RASL12: variants seen among roughly 807,000 people sequenced by gnomAD.
RASL12 encodes RAS like family 12, also known as ras-like protein family member 12.
In RASL12, 16 loss-of-function variants were observed where a neutral mutation model predicts 22.9. The ratio of observed to expected loss-of-function variants is 0.70; its 90% CI spans 0.47 to 1.06. The LOEUF (loss-of-function observed/expected upper bound fraction) is 1.06. RASL12 is among the 50% of genes least tolerant of loss of function. The pLI is 0.00. For synonymous variants in RASL12, 159 were observed against 152.2 expected, an observed-to-expected ratio of 1.04 and a Z score of -0.33; for missense variants, 306 against 353.1, an observed-to-expected ratio of 0.87 and a Z score of 1.07.
At chr15:65,051,540 T>G, downstream of RASL12, 2 of 1,613,714 alleles carry the variant, frequency 1.2e-6, no homozygotes, top group Non-Finnish European at 1.7e-6. Context: ...ATTCCATCCT[T>G]GCCCTGGCAG....
chr15:65,069,085 T>TC (rs1266445321), upstream of RASL12, among the ~76,000 whole-genome samples: 3 of 152,116 alleles, frequency 2.0e-5, no homozygotes, highest in Non-Finnish European at 4.4e-5. Context: ...GATGGTTAAC[T>TC]CATCTACCCA....
chr15:65,076,033 C>A (rs148658502), intron 1 of RASL12, among the ~76,000 whole-genome samples: 1 of 152,228 alleles, frequency 6.6e-6, no homozygotes, highest in Non-Finnish European at 1.5e-5. Flanking sequence ...CTGATGGGGA[C>A]GTGGAGAACT....
rs143596295 is a variant in RASL12, at chr15:65,066,384, G to A, written c.104-1111C>T. Among the ~76,000 whole-genome samples, 444 of 152,166 alleles carry A rather than the reference G, an allele frequency of 2.9e-3. 4 individuals carry two copies. Among genetic ancestry groups the A allele is most frequent in the African/African-American group, 0.01 (426 of 41,506 alleles). ...AATTGAAAAATTAACCAGGCATGGT[G>A]GTATGCCTGTAGTCCTAGCTACTCA... is the stretch of plus-strand genomic sequence containing the variant. On this transcript the variant is annotated intron_variant, in intron 1 of 4. Transcript: ENST00000220062.
downstream of RASL12, chr15:65,051,508 T>G (rs764207633): frequency 1.9e-6 from 3 of 1,613,204 alleles, no homozygotes; most frequent in Non-Finnish European, 2.5e-6. Context: ...TGTGTGTCCT[T>G]CCCCAGCATC....
At chr15:65,056,801 G>A (rs1290839039) in intron 4 of RASL12, among the ~76,000 whole-genome samples, 4 of 152,102 alleles carry the variant, frequency 2.6e-5, no homozygotes, top group Non-Finnish European at 5.9e-5. Flanking sequence ...ACTAAACTTG[G>A]GACTTGATCG....
In RASL12 at chr15:65,053,655, C is replaced by T. The variant is rs1035248714; in HGVS notation, c.*1244G>A. On this transcript the variant is annotated 3_prime_UTR_variant, in exon 5 of 5. Coordinates refer to ENST00000220062, the MANE Select transcript of RASL12 (RefSeq NM_016563.4). ...GAGGGGAAGGAGCAGGCTTCCAGGC[C>T]CAGAATCCCCTTCCCAATCCTTCCA... The T allele has an allele frequency of 2.0e-6, 2 of 989,148 alleles. No homozygotes were observed. Among genetic ancestry groups the T allele is most frequent in the Non-Finnish European group, 2.4e-6 (2 of 832,448 alleles). The allele number at this position is 989,148 out of a possible 1,614,324, so 61.3% of individuals were successfully genotyped here. A position where few individuals can be genotyped will look rare whatever the true frequency, so the allele number is the denominator to read the frequency against.
chr15:65,053,011 G>A (rs2086675625), downstream of RASL12: 1 of 1,613,656 alleles, frequency 6.2e-7, no homozygotes, highest in Non-Finnish European at 8.5e-7. Flanking sequence ...CAGAAGTCCT[G>A]CATTTGGATG....
At chr15:65,074,445 G>A (rs2086951282) in intron 1 of RASL12, among the ~76,000 whole-genome samples, 1 of 151,754 alleles carries the variant, frequency 6.6e-6, no homozygotes, top group Non-Finnish European at 1.5e-5. Context: ...CTAGGCTGGA[G>A]TGCAATGGCA....
At position 65,054,671 on chromosome 15, in the gene RASL12, C is replaced by A; in HGVS notation, c.*228G>T. On this transcript the variant is annotated 3_prime_UTR_variant, in exon 5 of 5. Transcript: ENST00000220062. Reference sequence around the variant, plus strand: ...TTGTCACAGTGGCTGTTTCCCTCTACGGCCACAGACGCGGTGGTTACCATG... The same window carrying A: ...TTGTCACAGTGGCTGTTTCCCTCTAAGGCCACAGACGCGGTGGTTACCATG... 7.2e-7 allele frequency: 1 copy of A among 1,382,358 alleles called. No homozygotes were observed. Among genetic ancestry groups the A allele is most frequent in the Admixed American group, 3.0e-5 (1 of 33,372 alleles). 85.6% of individuals were successfully genotyped at this position (1,382,358 alleles called of 1,614,324 possible).
In RASL12 at chr15:65,054,702, C is replaced by T; in HGVS notation, c.*197G>A. On this transcript the variant is annotated 3_prime_UTR_variant, in exon 5 of 5. Transcript: ENST00000220062. Reference sequence around the variant, plus strand: ...CAGACGCGGTGGTTACCATGAAGACCAAGGCCTGGAGGGAACAGAAGCAGC... The same window carrying T: ...CAGACGCGGTGGTTACCATGAAGACTAAGGCCTGGAGGGAACAGAAGCAGC... The T allele has an allele frequency of 2.1e-6, 3 of 1,404,574 alleles. No homozygotes were observed. Among genetic ancestry groups the T allele is most frequent in the Non-Finnish European group, 2.8e-6 (3 of 1,082,026 alleles). The allele number at this position is 1,404,574 out of a possible 1,614,324, so 87.0% of individuals were successfully genotyped here. A position where few individuals can be genotyped will look rare whatever the true frequency, so the allele number is the denominator to read the frequency against.
upstream of RASL12, among the ~76,000 whole-genome samples, chr15:65,070,554 A>G (rs140252712): frequency 4.3e-3 from 661 of 152,296 alleles, 2 homozygotes; most frequent in Non-Finnish European, 8.2e-3. Flanking sequence ...GCCCCCAGGC[A>G]CTCAAAATCT....
chr15:65,076,305 C>T (rs1209383512), intron 1 of RASL12, among the ~76,000 whole-genome samples: 1 of 152,198 alleles, frequency 6.6e-6, no homozygotes, highest in African/African-American at 2.4e-5. Context: ...CCGTGAAAGT[C>T]TGCAGCTTCA....
Position 65,058,685 on chromosome 15 carries a change from G to A in RASL12, c.235-68C>T, listed in dbSNP as rs772829070. The A allele has an allele frequency of 9.2e-5, 112 of 1,211,398 alleles. 1 individual carries two copies. In the Middle Eastern group the frequency reaches 1.5e-3, roughly 16 times the overall value. 75.0% of individuals were successfully genotyped at this position (1,211,398 alleles called of 1,614,324 possible). On this transcript the variant is annotated intron_variant, in intron 3 of 4. Transcript: ENST00000220062. ...TGGGGTAAAGGCCTTCACCTGAGCC[G>A]CCCAATCCCACCTCCCCACTCCCCG...
At chr15:65,051,632 G>A, downstream of RASL12, 4 of 1,608,474 alleles carry the variant, frequency 2.5e-6, no homozygotes, top group Non-Finnish European at 3.4e-6. Flanking sequence ...GGGGGGATGG[G>A]GTGGTCTCTG....
intron 1 of RASL12, among the ~76,000 whole-genome samples, chr15:65,073,991 C>T (rs2086948600): frequency 6.6e-6 from 1 of 152,196 alleles, no homozygotes; most frequent in Non-Finnish European, 1.5e-5. Flanking sequence ...AGCCTCGCAG[C>T]AAGTGTGGAA....
chr15:65,046,231 G>A, the RASL12 span, among the ~76,000 whole-genome samples: 3 of 152,248 alleles, frequency 2.0e-5, no homozygotes, highest in South Asian at 6.2e-4. Flanking sequence ...AACTCGGGAG[G>A]CGGAGGTTGC....
chr15:65,050,830 C>CTTT (rs1206139825), downstream of RASL12, among the ~76,000 whole-genome samples: 11 of 48,544 alleles, frequency 2.3e-4, no homozygotes, highest in African/African-American at 5.3e-4. Flanking sequence ...CTTTCTTCTT[C>CTTT]TTCTTCTTTT....
intron 2 of RASL12, among the ~76,000 whole-genome samples, chr15:65,059,718 C>T (rs566437799): frequency 6.6e-6 from 1 of 152,290 alleles, no homozygotes; most frequent in South Asian, 2.1e-4. Context: ...GTGTGTGGCC[C>T]CTAGACCCTG....
intron 1 of RASL12, among the ~76,000 whole-genome samples, chr15:65,067,441 G>C (rs999992019): frequency 1.3e-5 from 2 of 151,994 alleles, no homozygotes; most frequent in African/African-American, 4.8e-5. Context: ...AGAGGGGAGA[G>C]ACAGCAGGGG....
Sources: gnomAD v4.1 joint callset for allele counts (sites outside exome capture counted in the v4.1 genomes callset) on GRCh38, gnomAD v4.1.1 for gene constraint, MANE v1.5 for transcripts, NCBI Gene and HGNC (gene_info 2026-07-23, HGNC 2026-07-21) for gene names.